ZNF654: variants seen among roughly 807,000 people sequenced by gnomAD.
ZNF654 encodes melanoma-associated antigen.
In ZNF654, 19 loss-of-function variants were observed where a neutral mutation model predicts 95.3. The observed-to-expected ratio is 0.20, with a 90% CI of 0.14 to 0.29. ZNF654 has a LOEUF of 0.29. ZNF654 is among the 10% of genes least tolerant of loss of function. The probability of loss-of-function intolerance (pLI) is 1.00; values close to 1 mark genes in which losing one functional copy is unlikely to be tolerated. For missense variants in ZNF654, 1,046 were observed against 1,341.0 expected, an observed-to-expected ratio of 0.78 and a Z score of 3.44; for synonymous variants, 413 against 457.9, an observed-to-expected ratio of 0.90 and a Z score of 1.25.
At chr3:88,134,191 A>G (rs1355949976) in intron 6 of ZNF654, among the ~76,000 whole-genome samples, 1 of 151,772 alleles carries the variant, frequency 6.6e-6, no homozygotes, top group Non-Finnish European at 1.5e-5. Flanking sequence ...TACTACTCAT[A>G]TGTTGCTTGC....
In ZNF654 at chr3:88,141,736, C is replaced by A; in HGVS notation, c.*84C>A. ...AAAATGCATCATCAGTTTGCTATTT[C>A]CCTGATGGCCTTAATTTTAGAGTGG... On this transcript the variant is annotated 3_prime_UTR_variant, in exon 9 of 9. Transcript: ENST00000636215. 2 of 1,067,668 alleles carry A rather than the reference C, an allele frequency of 1.9e-6. No homozygotes were observed. Among genetic ancestry groups the A allele is most frequent in the South Asian group, 2.1e-5 (1 of 46,660 alleles). 66.1% of individuals were successfully genotyped at this position (1,067,668 alleles called of 1,614,324 possible).
At chr3:88,087,126 C>T (rs1447014737) in intron 2 of ZNF654, among the ~76,000 whole-genome samples, 15 of 150,240 alleles carry the variant, frequency 1.0e-4, no homozygotes, top group African/African-American at 3.2e-4. Context: ...TCACCCAGGC[C>T]GGAGTGCAGT....
intron 7 of ZNF654, among the ~76,000 whole-genome samples, chr3:88,135,994 A>C (rs1229364151): frequency 3.3e-5 from 5 of 152,088 alleles, no homozygotes; most frequent in Admixed American, 2.6e-4. Context: ...ATGTATGATC[A>C]TGTAGTGATC....
intron 2 of ZNF654, among the ~76,000 whole-genome samples, chr3:88,097,141 C>A (rs979379649): frequency 6.6e-6 from 1 of 152,038 alleles, no homozygotes; most frequent in Admixed American, 6.6e-5. Context: ...CCATGTATGA[C>A]CGGAATATGT....
At chr3:88,121,390 T>C (rs1424194121) in intron 3 of ZNF654, among the ~76,000 whole-genome samples, 1 of 152,142 alleles carries the variant, frequency 6.6e-6, no homozygotes, top group African/African-American at 2.4e-5. Flanking sequence ...GCAACAGCAA[T>C]CATGTAATAA....
chr3:88,088,445 A>C (rs1316682006), intron 2 of ZNF654, among the ~76,000 whole-genome samples: 3 of 152,214 alleles, frequency 2.0e-5, no homozygotes, highest in Non-Finnish European at 4.4e-5. Flanking sequence ...GTTACGTACA[A>C]CATTAAAAAC....
intron 2 of ZNF654, among the ~76,000 whole-genome samples, chr3:88,088,749 T>G (rs567812959): frequency 2.9e-5 from 2 of 69,972 alleles, no homozygotes; most frequent in East Asian, 4.7e-4. Flanking sequence ...TTTATTTATG[T>G]ATGTATGTAT....
chr3:88,105,658 C>G (rs142892578), intron 2 of ZNF654, among the ~76,000 whole-genome samples: 2 of 152,160 alleles, frequency 1.3e-5, no homozygotes, highest in Non-Finnish European at 2.9e-5. Flanking sequence ...CCTTGTATAT[C>G]TCTGACCTCA....
At chr3:88,116,748 G>C (rs1236378634) in intron 3 of ZNF654, among the ~76,000 whole-genome samples, 5 of 151,988 alleles carry the variant, frequency 3.3e-5, no homozygotes, top group Admixed American at 2.6e-4. Context: ...TTATAAGAGA[G>C]GTGTGGTTGT....
rs1390041704 is a variant in ZNF654 at position 88,059,395 on chromosome 3, G to A, written c.76G>A (p.Gly26Ser). ...TGTGGCCATTGTGGAGTCCCCGCTG[G>A]GCCCTGTGGGGCTTAGAGCTGCGGG... Reference protein sequence around the residue: ...ELVAIVESPLGPVGLRAAGDG... With the variant: ...ELVAIVESPLSPVGLRAAGDG... The change falls in exon 1 of 9, where the codon GGC (glycine) becomes AGC (serine). Residue 26 changes from glycine to serine, a missense_variant. Physicochemically the swap from Gly to Ser is moderately conservative, Grantham distance 56. Around this residue, in one of 9 missense-constraint regions of ZNF654, gnomAD observed 89 missense variants for 77.9 expected, o/e 1.14. Coordinates refer to ENST00000636215, the MANE Select transcript of ZNF654 (RefSeq NM_001350134.2). 1 of 1,535,040 alleles carries A rather than the reference G, an allele frequency of 6.5e-7. No homozygotes were observed.
intron 3 of ZNF654, among the ~76,000 whole-genome samples, chr3:88,117,486 C>G (rs1262743837): frequency 6.6e-6 from 1 of 151,920 alleles, no homozygotes; most frequent in Middle Eastern, 3.2e-3. Flanking sequence ...AATAAATAGT[C>G]TAAATACTTG....
intron 2 of ZNF654, among the ~76,000 whole-genome samples, chr3:88,107,400 C>T (rs1704808172): frequency 6.6e-6 from 1 of 152,074 alleles, no homozygotes; most frequent in Admixed American, 6.5e-5. Context: ...TTTTTGTAAA[C>T]AATCTATATC....
chr3:88,115,654 T>C (rs993270552), intron 3 of ZNF654, among the ~76,000 whole-genome samples: 1 of 152,210 alleles, frequency 6.6e-6, no homozygotes, highest in Non-Finnish European at 1.5e-5. Flanking sequence ...TTAACTCTTC[T>C]TACCTATAAT....
At chr3:88,088,460 G>C (rs1159500412) in intron 2 of ZNF654, among the ~76,000 whole-genome samples, 1 of 152,092 alleles carries the variant, frequency 6.6e-6, no homozygotes, top group East Asian at 1.9e-4. Context: ...AAAAACATCA[G>C]TATCACGCTG....
rs199635908 is a variant in ZNF654 at position 88,117,954 on chromosome 3, A to C, written c.414+4758A>C. 2.9e-3 allele frequency among the ~76,000 whole-genome samples: 434 copies of C among 152,198 alleles called. 12 individuals are homozygous for C. In the East Asian group the frequency reaches 0.039, roughly 14 times the overall value. On this transcript the variant is annotated intron_variant, in intron 3 of 8. Coordinates refer to ENST00000636215, the MANE Select transcript of ZNF654 (RefSeq NM_001350134.2). ...TTGCCCAATAGATGATTAAAAAAAAAAAACAACCAAGAACATTTACTACTT... is the reference window on the plus strand; with the variant it reads ...TTGCCCAATAGATGATTAAAAAAAACAAACAACCAAGAACATTTACTACTT...
intron 3 of ZNF654, among the ~76,000 whole-genome samples, chr3:88,124,240 T>TATA (rs1320186365): frequency 1.3e-5 from 2 of 152,216 alleles, no homozygotes; most frequent in African/African-American, 2.4e-5. Flanking sequence ...AACAATCCTA[T>TATA]GAAGTAGGTG....
At chr3:88,091,732 C>T (rs150812151) in intron 2 of ZNF654, among the ~76,000 whole-genome samples, 5,781 of 152,202 alleles carry the variant, frequency 0.038, 144 homozygotes, top group Admixed American at 0.073. Context: ...GAATAAGTCT[C>T]ATGAGATCTG....
intron 3 of ZNF654, among the ~76,000 whole-genome samples, chr3:88,124,228 A>T (rs1559726010): frequency 6.6e-6 from 1 of 152,198 alleles, no homozygotes; most frequent in Non-Finnish European, 1.5e-5. Flanking sequence ...CTTCATCCTC[A>T]CAACAATCCT....
intron 2 of ZNF654, 117 bp downstream of exon 2, chr3:88,086,519 T>C: frequency 2.1e-6 from 2 of 950,280 alleles, no homozygotes; most frequent in Non-Finnish European, 2.9e-6. Flanking sequence ...CAAAAAGAAA[T>C]GTTTATTTTT....
Sources: gnomAD v4.1 joint callset for allele counts (sites outside exome capture counted in the v4.1 genomes callset) on GRCh38, gnomAD v4.1.1 for gene constraint, gnomAD v4.1.1 regional missense constraint, MANE v1.5 for transcripts, NCBI Gene and HGNC (gene_info 2026-07-23, HGNC 2026-07-21) for gene names.